Variants in EVC observed in about 807,000 individuals in gnomAD.
The protein encoded by EVC is EvC ciliary complex subunit 1.
A neutral mutation model predicts 118.9 loss-of-function variants in EVC; 116 were observed. The observed-to-expected ratio is 0.98, with a 90% CI of 0.84 to 1.14. The LOEUF (loss-of-function observed/expected upper bound fraction) is 1.14, where lower values mean the gene tolerates loss of function less well. Ranked by LOEUF, EVC falls within the 50% of genes most tolerant of loss-of-function variation. EVC has a pLI of 0.00. For synonymous variants in EVC, 619 were observed against 534.7 expected, an observed-to-expected ratio of 1.16 and a Z score of -2.18; for missense variants, 1,401 against 1,246.4, an observed-to-expected ratio of 1.12 and a Z score of -1.87.
At chr4:5,821,549 G>A in the EVC span, 1 of 563,198 alleles carries the variant, frequency 1.8e-6, no homozygotes, top group East Asian at 2.8e-5. This position sits in a 1 kb window ranked among gnomAD's most constrained non-coding sequence, Gnocchi z 4.4. Flanking sequence ...GGTGGATTCA[G>A]CATGAACACA....
chr4:5,733,918 G>A (rs1727255929), intron 5 of EVC, among the ~76,000 whole-genome samples: 1 of 152,150 alleles, frequency 6.6e-6, no homozygotes, highest in African/African-American at 2.4e-5. Flanking sequence ...CAGGGCAGAG[G>A]ATTTACCCAA....
At chr4:5,740,530 T>G (rs2151990985) in intron 5 of EVC, among the ~76,000 whole-genome samples, 1 of 150,176 alleles carries the variant, frequency 6.7e-6, no homozygotes, top group East Asian at 1.9e-4. Context: ...GATTTAGACC[T>G]AGGCAAAGAG....
intron 12 of EVC, among the ~76,000 whole-genome samples, chr4:5,785,881 A>G (rs1577572982): frequency 1.3e-5 from 2 of 152,228 alleles, no homozygotes; most frequent in Admixed American, 6.5e-5. Flanking sequence ...CCGCAGACCA[A>G]TTCATTTACA....
intron 6 of EVC, among the ~76,000 whole-genome samples, chr4:5,744,285 A>G (rs1365106525): frequency 6.6e-6 from 1 of 152,190 alleles, no homozygotes. Flanking sequence ...TCTCTTTCAC[A>G]GAGATGCCGT....
At chr4:5,733,512 C>T in intron 5 of EVC, 77 bp downstream of exon 5, 1 of 1,241,522 alleles carries the variant, frequency 8.1e-7, no homozygotes, top group Non-Finnish European at 1.2e-6. Flanking sequence ...TGCAGTGAGT[C>T]CCAGAGACCC....
At position 5,797,098 on chromosome 4, in the gene EVC, GC is replaced by G; in HGVS notation, c.1966del (p.Leu656TrpfsTer4). The G allele has an allele frequency of 6.2e-7, 1 of 1,613,550 alleles. No homozygotes were observed. Among genetic ancestry groups the G allele is most frequent in the Non-Finnish European group, 8.5e-7 (1 of 1,180,018 alleles). Reference protein sequence around the residue: ...ALRRLALRGNALATLTQMRLS... With the variant: ...ALRRLALRGNXLATLTQMRLS... ...CCGGAGGCTGGCACTCCGCGGCAAC[GC>G]CCTGGCCACCCTGACGCAGATGCGG... On this transcript the variant is annotated frameshift_variant, in exon 14 of 21. Coordinates refer to ENST00000264956, the MANE Select transcript of EVC (RefSeq NM_153717.3). LOFTEE classifies it high-confidence loss of function.
chr4:5,734,111 C>CAG (rs1331813113), intron 5 of EVC, among the ~76,000 whole-genome samples: 1 of 152,124 alleles, frequency 6.6e-6, no homozygotes, highest in East Asian at 1.9e-4. Flanking sequence ...TATGGGAAGC[C>CAG]AGAGAGAGGA....
chr4:5,715,786 C>T (rs1257797577), intron 1 of EVC, among the ~76,000 whole-genome samples: 1 of 147,394 alleles, frequency 6.8e-6, no homozygotes, highest in Non-Finnish European at 1.5e-5. Context: ...CTCTGTCACC[C>T]AGGCTGGAGT....
rs1222269401 is a variant in EVC at position 5,798,818 on chromosome 4, G to A, written c.2304+26G>A. 1 of 1,601,916 alleles carries A rather than the reference G, an allele frequency of 6.2e-7. No homozygotes were observed. Among genetic ancestry groups the A allele is most frequent in the South Asian group, 1.1e-5 (1 of 89,144 alleles). ...GTATGCACTGACCTCTGTCCCTGGG[G>A]ACACCGAGGGCAAGAATGTTCAGGG... On this transcript the variant is annotated intron_variant, in intron 15 of 20. Transcript: ENST00000264956. The surrounding 1 kb of genome is among the most constrained non-coding windows in gnomAD (Gnocchi z 4.1).
At chr4:5,723,563 C>CT (rs1204699151) in intron 2 of EVC, among the ~76,000 whole-genome samples, 1 of 152,122 alleles carries the variant, frequency 6.6e-6, no homozygotes, top group Non-Finnish European at 1.5e-5. Context: ...AGGGATTTTG[C>CT]TTTTCTCTCA....
chr4:5,800,851 TCCGCG>T (rs3836551), intron 15 of EVC, among the ~76,000 whole-genome samples: 93,585 of 151,410 alleles, frequency 0.62, 28,985 homozygotes, highest in South Asian at 0.68. Context: ...CTCCGCAGCC[TCCGCG>T]CCGCGCCACA....
At chr4:5,821,904 C>T in the EVC span, 3 of 1,500,968 alleles carry the variant, frequency 2.0e-6, no homozygotes, top group South Asian at 2.4e-5. The surrounding 1 kb of genome is among the most constrained non-coding windows in gnomAD (Gnocchi z 4.4). Flanking sequence ...ATCAGTTCCA[C>T]GCTGCTCCTG....
intron 4 of EVC, among the ~76,000 whole-genome samples, chr4:5,732,511 A>G (rs1726984102): frequency 1.3e-5 from 2 of 152,144 alleles, no homozygotes; most frequent in Admixed American, 6.5e-5. Context: ...TGGGTGGGAG[A>G]GTCATCATTT....
chr4:5,714,568 C>T (rs983292054), intron 1 of EVC, among the ~76,000 whole-genome samples: 2 of 149,460 alleles, frequency 1.3e-5, no homozygotes, highest in Non-Finnish European at 2.9e-5. Context: ...GGACTTAGCT[C>T]TGTTGCCTCC....
intron 20 of EVC, 138 bp from the exon 21 acceptor site, chr4:5,810,815 T>A: frequency 1.2e-6 from 1 of 838,618 alleles, no homozygotes; most frequent in Middle Eastern, 2.2e-4. Context: ...TATTGGTTTC[T>A]TAACAACCCA....
At chr4:5,816,258 C>A (rs1036834140), downstream of EVC, among the ~76,000 whole-genome samples, 7 of 152,144 alleles carry the variant, frequency 4.6e-5, no homozygotes, top group African/African-American at 1.4e-4. Flanking sequence ...TCTTCATCCG[C>A]CTTGTTCTGG....
At chr4:5,816,517 G>C (rs1717697424), downstream of EVC, among the ~76,000 whole-genome samples, 1 of 152,082 alleles carries the variant, frequency 6.6e-6, no homozygotes, top group South Asian at 2.1e-4. Context: ...CTGAGATGTA[G>C]AACTGTGCAG....
At chr4:5,819,824 C>G in the EVC span, among the ~76,000 whole-genome samples, 1 of 152,166 alleles carries the variant, frequency 6.6e-6, no homozygotes, top group Non-Finnish European at 1.5e-5. Context: ...TGGTCTTTCT[C>G]AGTAGTTAGT....
At position 5,729,387 on chromosome 4, in the gene EVC, C is replaced by G. The variant is rs1259074504; in HGVS notation, c.381C>G (p.Phe127Leu). The change falls in exon 3 of 21, where the codon TTC (phenylalanine) becomes TTG (leucine). Residue 127 changes from phenylalanine (F) to leucine (L), a missense_variant. By Grantham distance (22) the Phe-to-Leu change is conservative. Transcript: ENST00000264956. Reference sequence around the variant, plus strand: ...TCATCTACCCCATCAATCAGAAGTTCCGGGTGAGAGTCCTGAGCTCCATCA... The same window carrying G: ...TCATCTACCCCATCAATCAGAAGTTGCGGGTGAGAGTCCTGAGCTCCATCA... Reference protein sequence around the residue: ...AKVIYPINQKFRPLADGSSNP... With the variant: ...AKVIYPINQKLRPLADGSSNP... 7 of 1,613,858 alleles carry G rather than the reference C, an allele frequency of 4.3e-6. No homozygotes were observed. Among genetic ancestry groups the G allele is most frequent in the Non-Finnish European group, 5.9e-6 (7 of 1,179,920 alleles).
Sources: allele counts gnomAD v4.1 joint callset (sites outside exome capture counted in the v4.1 genomes callset), GRCh38; gene constraint gnomAD v4.1.1; non-coding constraint Gnocchi (gnomAD v3.1); transcripts MANE v1.5; gene names NCBI Gene and HGNC (gene_info 2026-07-23, HGNC 2026-07-21).